The following GRIN2A variants were observed in gnomAD, a reference collection of about 807,000 sequenced individuals.
The protein encoded by GRIN2A is glutamate receptor ionotropic, NMDA 2A.
Under a neutral mutation model 113.4 loss-of-function variants are expected in GRIN2A, and 22 were observed. The observed-to-expected ratio is 0.19, with a 90% confidence interval of 0.14 to 0.28. The LOEUF (loss-of-function observed/expected upper bound fraction) is 0.28, where lower values mean the gene tolerates loss of function less well. Among genes scored for constraint, GRIN2A ranks in the 10% least tolerant of loss-of-function variants. The probability of loss-of-function intolerance (pLI) is 1.00; values close to 1 mark genes in which losing one functional copy is unlikely to be tolerated. For synonymous variants in GRIN2A, 827 were observed against 738.4 expected, an observed-to-expected ratio of 1.12 and a Z score of -1.94; for missense variants, 1,502 against 1,887.0, an observed-to-expected ratio of 0.80 and a Z score of 3.78.
Position 9,842,754 on chromosome 16 carries a change from T to C in GRIN2A, c.1329-1650A>G, listed in dbSNP as rs1187471784. Among the ~76,000 whole-genome samples the C allele has an allele frequency of 2.6e-5, 4 of 152,026 alleles. No homozygotes were observed. In the East Asian group the frequency reaches 7.7e-4, roughly 29 times the overall value. On this transcript the variant is annotated intron_variant, in intron 5 of 12. Transcript: ENST00000330684. ...GAGTTTGAGACCAGCCTGGCCAACA[T>C]GGAGAAACCCCATTTTTACTAAAAA...
chr16:10,069,801 C>T (rs1443518915), intron 2 of GRIN2A, among the ~76,000 whole-genome samples: 1 of 152,228 alleles, frequency 6.6e-6, no homozygotes, highest in Non-Finnish European at 1.5e-5. Flanking sequence ...CATACAGGGT[C>T]CAGCAAGCTG....
intron 2 of GRIN2A, among the ~76,000 whole-genome samples, chr16:10,039,287 A>G (rs760620955): frequency 6.6e-5 from 10 of 152,160 alleles, no homozygotes; most frequent in Non-Finnish European, 8.8e-5. Flanking sequence ...TCTCTTGCTC[A>G]CGACTCAAAG....
intron 4 of GRIN2A, among the ~76,000 whole-genome samples, chr16:9,888,498 C>T (rs564835920): frequency 5.7e-4 from 87 of 151,510 alleles, no homozygotes; most frequent in African/African-American, 1.9e-3. Flanking sequence ...ATGTAGATTG[C>T]CTGTTTATCC....
chr16:9,921,730 TTCA>T (rs1400821365), intron 3 of GRIN2A, among the ~76,000 whole-genome samples: 1 of 152,130 alleles, frequency 6.6e-6, no homozygotes, highest in African/African-American at 2.4e-5. Flanking sequence ...GTTCCTGGAA[TTCA>T]TCATCATCTT....
At chr16:10,063,291 T>G (rs750742895) in intron 2 of GRIN2A, among the ~76,000 whole-genome samples, 1 of 152,168 alleles carries the variant, frequency 6.6e-6, no homozygotes, top group African/African-American at 2.4e-5. Context: ...GATGGGACCA[T>G]TCATATCCTC....
At chr16:9,946,312 C>T (rs1258999817) in intron 2 of GRIN2A, among the ~76,000 whole-genome samples, 1 of 152,174 alleles carries the variant, frequency 6.6e-6, no homozygotes, top group Non-Finnish European at 1.5e-5. Flanking sequence ...TAATCTCACA[C>T]AGAAAGCAAG....
At chr16:10,120,613 G>T (rs1214218970) in intron 2 of GRIN2A, among the ~76,000 whole-genome samples, 1 of 151,976 alleles carries the variant, frequency 6.6e-6, no homozygotes, top group Non-Finnish European at 1.5e-5. Context: ...GGTGGATGCA[G>T]GGGGCAAGGA....
At chr16:10,164,974 C>T (rs1323191198) in intron 2 of GRIN2A, among the ~76,000 whole-genome samples, 1 of 152,164 alleles carries the variant, frequency 6.6e-6, no homozygotes, top group Non-Finnish European at 1.5e-5. Context: ...TTAGAAGTGT[C>T]CAGTGATTCA....
At chr16:9,780,118 G>A (rs538191396) in intron 11 of GRIN2A, among the ~76,000 whole-genome samples, 11 of 152,190 alleles carry the variant, frequency 7.2e-5, no homozygotes, top group Non-Finnish European at 1.3e-4. Flanking sequence ...ACAGAAAGTC[G>A]AAAAGGAGCA....
chr16:9,886,015 T>A (rs963487814), intron 4 of GRIN2A, among the ~76,000 whole-genome samples: 3 of 152,222 alleles, frequency 2.0e-5, no homozygotes, highest in Non-Finnish European at 2.9e-5. Flanking sequence ...AGGGCAGCTG[T>A]CACCTGCACT....
At chr16:10,034,867 G>C (rs1306658606) in intron 2 of GRIN2A, among the ~76,000 whole-genome samples, 2 of 152,098 alleles carry the variant, frequency 1.3e-5, no homozygotes, top group African/African-American at 4.8e-5. Context: ...GTCCTAATAG[G>C]TCAGCTAATT....
At chr16:10,044,020 T>TAGAGAG (rs1394786989) in intron 2 of GRIN2A, among the ~76,000 whole-genome samples, 25 of 116,894 alleles carry the variant, frequency 2.1e-4, no homozygotes, top group Middle Eastern at 4.1e-3. Flanking sequence ...TATATATATA[T>TAGAGAG]ATAGAGAGAG....
chr16:9,932,230 C>G (rs1397873075), intron 3 of GRIN2A, among the ~76,000 whole-genome samples: 1 of 152,158 alleles, frequency 6.6e-6, no homozygotes, highest in Non-Finnish European at 1.5e-5. Context: ...CACATGATGG[C>G]CTTTTTGTGT....
intron 2 of GRIN2A, among the ~76,000 whole-genome samples, chr16:9,991,323 C>A (rs1371543132): frequency 6.6e-6 from 1 of 152,174 alleles, no homozygotes; most frequent in Non-Finnish European, 1.5e-5. Context: ...AATCTTGGTC[C>A]TCTGGCTCCA....
intron 2 of GRIN2A, among the ~76,000 whole-genome samples, chr16:10,027,044 A>G (rs781290430): frequency 8.5e-5 from 13 of 152,176 alleles, no homozygotes; most frequent in Non-Finnish European, 1.6e-4. Flanking sequence ...AGTGCTTATT[A>G]TCAGCTGACA....
Position 9,871,960 on chromosome 16 carries a change from G to A in GRIN2A, c.1122+19026C>T, listed in dbSNP as rs149737333. ...GTCAGACAAATGGGGTTCAGAATAC[G>A]GTTCAGGTTAGCGGAAATTAACTTG... is the stretch of plus-strand genomic sequence containing the variant. On this transcript the variant is annotated intron_variant, in intron 4 of 12. Transcript: ENST00000330684. Among the ~76,000 whole-genome samples the A allele has an allele frequency of 2.0e-3, 306 of 152,236 alleles. 2 individuals are homozygous for A. Among genetic ancestry groups the A allele is most frequent in the African/African-American group, 6.9e-3 (287 of 41,554 alleles).
intron 2 of GRIN2A, among the ~76,000 whole-genome samples, chr16:9,992,310 A>T (rs1030797788): frequency 6.6e-6 from 1 of 152,296 alleles, no homozygotes; most frequent in East Asian, 1.9e-4. Flanking sequence ...TGAGGTAAAG[A>T]GGAGGCTTTA....
chr16:10,020,279 G>A (rs111229304), intron 2 of GRIN2A, among the ~76,000 whole-genome samples: 47 of 152,240 alleles, frequency 3.1e-4, no homozygotes, highest in African/African-American at 7.5e-4. Flanking sequence ...GGCATGGGGC[G>A]TGGGGCAGGT....
At chr16:9,914,059 T>A (rs1275809665) in intron 3 of GRIN2A, among the ~76,000 whole-genome samples, 1 of 150,570 alleles carries the variant, frequency 6.6e-6, no homozygotes, top group Non-Finnish European at 1.5e-5. Flanking sequence ...CTCCCAAGAA[T>A]GTTTGATTTG....
Sources: gnomAD v4.1 joint callset for allele counts (sites outside exome capture counted in the v4.1 genomes callset) on GRCh38, gnomAD v4.1.1 for gene constraint, MANE v1.5 for transcripts, NCBI Gene and HGNC (gene_info 2026-07-23, HGNC 2026-07-21) for gene names.